Variants in MACROD1 observed in about 807,000 individuals in gnomAD.
MACROD1 encodes ADP-ribose glycohydrolase MACROD1.
Under a neutral mutation model 41.4 loss-of-function variants are expected in MACROD1, and 31 were observed. That is an observed-to-expected ratio of 0.75 (90% CI 0.56 to 1.01). MACROD1 has a LOEUF of 1.01. MACROD1 is among the 50% of genes least tolerant of loss of function. MACROD1 has a pLI of 0.00. For missense variants in MACROD1, 473 were observed against 460.0 expected (o/e 1.03, Z -0.26); for synonymous variants, 252 against 203.4 (o/e 1.24, Z -2.03).
At position 64,152,532 on chromosome 11, in the gene MACROD1, G is replaced by A. The variant is rs1703924387; in HGVS notation, c.299-139C>T. On this transcript the variant is annotated intron_variant, in intron 1 of 10. Transcript: ENST00000255681. The stretch of plus-strand genomic sequence containing the variant: ...CTCCTTCTCTGGGCACACAGGGCAG[G>A]CATGCTGGGGAAACCTCAGAGGCCC... The A allele has an allele frequency of 4.4e-6, 3 of 685,586 alleles. No individual in the cohort carries two copies. In the Admixed American group the frequency reaches 6.9e-5, roughly 16 times the overall value. 42.5% of individuals were successfully genotyped at this position (685,586 alleles called of 1,614,324 possible).
intron 3 of MACROD1, among the ~76,000 whole-genome samples, chr11:64,104,384 G>A (rs756582726): frequency 6.6e-5 from 10 of 152,056 alleles, no homozygotes; most frequent in African/African-American, 9.7e-5. Context: ...TCTGCTTGCC[G>A]GCATAAGCAT....
chr11:63,998,673 G>T lies in MACROD1; in HGVS notation c.*45C>A, dbSNP rs950930582. 9.0e-6 allele frequency: 12 copies of T among 1,337,466 alleles called. No homozygotes were observed. In the Admixed American group the frequency reaches 1.7e-4, roughly 19 times the overall value. The allele number at this position is 1,337,466 out of a possible 1,614,324, so 82.8% of individuals were successfully genotyped here. On this transcript the variant is annotated 3_prime_UTR_variant, in exon 11 of 11. Coordinates refer to ENST00000255681, the MANE Select transcript of MACROD1 (RefSeq NM_014067.4). ...GCGACCTCTCAGAGCTGGGAGCGGG[G>T]TCCCGAAGGCGGGTCTGAGGGCAGA...
At chr11:64,108,743 AG>A (rs1288150870) in intron 3 of MACROD1, among the ~76,000 whole-genome samples, 1 of 152,186 alleles carries the variant, frequency 6.6e-6, no homozygotes, top group Non-Finnish European at 1.5e-5. Context: ...AGGCATGGCA[AG>A]GTTTAGGGGA....
intron 3 of MACROD1, among the ~76,000 whole-genome samples, chr11:64,060,263 G>T (rs1943874157): frequency 6.6e-6 from 1 of 152,260 alleles, no homozygotes; most frequent in South Asian, 2.1e-4. Flanking sequence ...GGAGGCCCCA[G>T]AGCTCCGGGA....
At chr11:64,142,936 C>A (rs927675502) in intron 3 of MACROD1, among the ~76,000 whole-genome samples, 2 of 151,898 alleles carry the variant, frequency 1.3e-5, no homozygotes, top group Non-Finnish European at 2.9e-5. Flanking sequence ...GGCAACATGG[C>A]GAGACCTCGT....
intron 3 of MACROD1, among the ~76,000 whole-genome samples, chr11:64,025,419 C>T (rs762529328): frequency 2.8e-4 from 42 of 152,162 alleles, no homozygotes; most frequent in Non-Finnish European, 4.9e-4. Context: ...TCAGCTGCCC[C>T]TCACCCCTCA....
intron 1 of MACROD1, among the ~76,000 whole-genome samples, chr11:64,158,186 C>T (rs918860478): frequency 7.9e-5 from 12 of 152,134 alleles, no homozygotes; most frequent in African/African-American, 7.2e-5. Flanking sequence ...GAGGCTGGAG[C>T]GTAGCAGCCC....
At chr11:64,119,826 A>G (rs988168793) in intron 3 of MACROD1, among the ~76,000 whole-genome samples, 4 of 152,292 alleles carry the variant, frequency 2.6e-5, no homozygotes, top group Admixed American at 2.6e-4. Context: ...CAGTGTGGTG[A>G]GCCATGAGAT....
At chr11:64,128,061 G>A (rs1945212544) in intron 3 of MACROD1, among the ~76,000 whole-genome samples, 1 of 152,188 alleles carries the variant, frequency 6.6e-6, no homozygotes, top group Non-Finnish European at 1.5e-5. Context: ...CTCAGTGGCC[G>A]GTGGCCCTGA....
intron 3 of MACROD1, among the ~76,000 whole-genome samples, chr11:64,134,390 C>T (rs1490048306): frequency 1.3e-5 from 2 of 152,240 alleles, no homozygotes; most frequent in Non-Finnish European, 2.9e-5. Context: ...ACCCCAGCCT[C>T]TGCCAAGGAA....
intron 3 of MACROD1, among the ~76,000 whole-genome samples, chr11:64,054,703 A>G (rs547541806): frequency 6.6e-6 from 1 of 151,944 alleles, no homozygotes; most frequent in Non-Finnish European, 1.5e-5. Context: ...ATTCCCCTCT[A>G]TCTTGCTCCC....
chr11:64,074,497 C>T (rs1448929912), intron 3 of MACROD1, among the ~76,000 whole-genome samples: 1 of 152,196 alleles, frequency 6.6e-6, no homozygotes, highest in African/African-American at 2.4e-5. Flanking sequence ...AGGAACAGAG[C>T]TCAGAGAGGT....
intron 3 of MACROD1, among the ~76,000 whole-genome samples, chr11:64,043,729 C>T (rs1396421565): frequency 1.3e-5 from 2 of 152,132 alleles, no homozygotes; most frequent in African/African-American, 4.8e-5. Context: ...TGAGGCTTCA[C>T]AACAGCCCCA....
intron 4 of MACROD1, among the ~76,000 whole-genome samples, chr11:64,010,696 C>T (rs1470953986): frequency 3.6e-5 from 4 of 112,078 alleles, no homozygotes; most frequent in South Asian, 6.0e-4. Context: ...TGTTGGCTGG[C>T]ATGTTGGCTG....
intron 3 of MACROD1, among the ~76,000 whole-genome samples, chr11:64,107,440 C>T (rs536109703): frequency 1.2e-4 from 18 of 150,382 alleles, no homozygotes; most frequent in African/African-American, 3.9e-4. Flanking sequence ...TTTTTAAAAG[C>T]GATTTACATT....
intron 3 of MACROD1, among the ~76,000 whole-genome samples, chr11:64,142,520 G>A (rs568269686): frequency 6.6e-6 from 1 of 152,296 alleles, no homozygotes; most frequent in African/African-American, 2.4e-5. Context: ...ACCCTGGAAG[G>A]TCCTTTCTGA....
chr11:64,134,695 CTA>C (rs1479754448), intron 3 of MACROD1, among the ~76,000 whole-genome samples: 2 of 152,224 alleles, frequency 1.3e-5, no homozygotes, highest in African/African-American at 4.8e-5. Flanking sequence ...ACCCGCCTCT[CTA>C]GTGGGTGAAG....
intron 4 of MACROD1, among the ~76,000 whole-genome samples, chr11:64,011,358 T>G (rs888853581): frequency 2.6e-5 from 4 of 151,498 alleles, no homozygotes; most frequent in Non-Finnish European, 4.4e-5. Flanking sequence ...AGGATGCTGA[T>G]TGGGGTGTTG....
At chr11:64,151,592 C>A (rs1194693998) in intron 2 of MACROD1, among the ~76,000 whole-genome samples, 1 of 152,178 alleles carries the variant, frequency 6.6e-6, no homozygotes, top group African/African-American at 2.4e-5. Context: ...AGGTACAGTG[C>A]CAATATCATC....
Sources: gnomAD v4.1 joint callset for allele counts (sites outside exome capture counted in the v4.1 genomes callset) on GRCh38, gnomAD v4.1.1 for gene constraint, MANE v1.5 for transcripts, NCBI Gene and HGNC (gene_info 2026-07-23, HGNC 2026-07-21) for gene names.